Variants in RUNDC3B observed in about 807,000 individuals in gnomAD.
RUNDC3B encodes the protein RUN domain-containing protein 3B.
RUNDC3B carries 33 observed loss-of-function variants against 58.4 expected under a neutral mutation model. That is an observed-to-expected ratio of 0.56 (90% CI 0.43 to 0.75). The LOEUF is 0.75. Among genes scored for constraint, RUNDC3B ranks in the 30% least tolerant of loss-of-function variants. The pLI is 0.00. For synonymous variants in RUNDC3B, 193 were observed against 195.2 expected (o/e 0.99, Z 0.10); for missense variants, 501 against 535.7 (o/e 0.94, Z 0.64).
chr7:87,629,117 T>C (rs1820933722), intron 1 of RUNDC3B, 172 bp downstream of exon 1: 5 of 528,618 alleles, frequency 9.5e-6, no homozygotes, highest in African/African-American at 2.0e-5. Flanking sequence ...GGCCCGGGTC[T>C]GGACACCGTC....
chr7:87,819,278 G>A lies in RUNDC3B; in HGVS notation c.1225+3016G>A, dbSNP rs535801676. ...CTTAAGCACCCAGGGTACACCAAAG[G>A]TTAGTCTTAGAAGGCCATTACATAA... On this transcript the variant is annotated intron_variant, in intron 10 of 10. Transcript: ENST00000394654. 2.6e-5 allele frequency among the ~76,000 whole-genome samples: 4 copies of A among 152,202 alleles called. 1 individual carries two copies. In the South Asian group the frequency reaches 8.3e-4, roughly 32 times the overall value.
At chr7:87,716,116 C>G (rs1028520019) in intron 4 of RUNDC3B, among the ~76,000 whole-genome samples, 1 of 152,054 alleles carries the variant, frequency 6.6e-6, no homozygotes, top group Admixed American at 6.6e-5. Context: ...AAACCACGTT[C>G]AGAGTGATTA....
At chr7:87,768,292 G>A (rs1158602816) in intron 6 of RUNDC3B, among the ~76,000 whole-genome samples, 1 of 152,140 alleles carries the variant, frequency 6.6e-6, no homozygotes, top group Non-Finnish European at 1.5e-5. Flanking sequence ...TTGGTGGGCT[G>A]CACCTCTCCC....
chr7:87,804,643 C>T (rs1836345399), intron 8 of RUNDC3B, among the ~76,000 whole-genome samples: 1 of 152,084 alleles, frequency 6.6e-6, no homozygotes, highest in Admixed American at 6.6e-5. Context: ...TCTATAGAAT[C>T]ATTGTCTTAA....
intron 2 of RUNDC3B, among the ~76,000 whole-genome samples, chr7:87,668,203 G>A (rs762421497): frequency 4.6e-5 from 7 of 151,712 alleles, no homozygotes; most frequent in Non-Finnish European, 8.8e-5. Context: ...TTTCTTCCTG[G>A]CTCTGTCTTG....
chr7:87,751,214 GC>G (rs1249898205), intron 6 of RUNDC3B, among the ~76,000 whole-genome samples: 6 of 151,928 alleles, frequency 3.9e-5, no homozygotes, highest in Non-Finnish European at 7.4e-5. Flanking sequence ...ATTTCTGAGG[GC>G]TCTGTTCTGT....
intron 8 of RUNDC3B, among the ~76,000 whole-genome samples, chr7:87,794,109 A>C (rs1006847206): frequency 1.3e-5 from 2 of 152,168 alleles, no homozygotes; most frequent in Non-Finnish European, 2.9e-5. Flanking sequence ...ATACCTAGGA[A>C]TTACTCAAGG....
intron 3 of RUNDC3B, chr7:87,709,417 A>T: frequency 2.0e-6 from 2 of 985,348 alleles, no homozygotes; most frequent in Non-Finnish European, 2.4e-6. Flanking sequence ...CTCTGTTCCA[A>T]TCAGCTACAG....
In RUNDC3B at chr7:87,628,580, C is replaced by CGTGTGTGT. The variant is rs1430415147; in HGVS notation, c.-241_-240insTGTGTGTG. On this transcript the variant is annotated 5_prime_UTR_variant, in exon 1 of 11. Transcript: ENST00000394654. ...GCGCCGAGGGCGGAGGTGGTGCGTG[C>CGTGTGTGT]GTGCGTGTGTGTGTGTGTGTGTGTG... The CGTGTGTGT allele has an allele frequency of 4.1e-5, 12 of 292,842 alleles. No individual in the cohort carries two copies. The highest frequency in any genetic ancestry group is 1.6e-4 in the African/African-American group (5 of 31,620). The allele number at this position is 292,842 out of a possible 1,614,324, so 18.1% of individuals were successfully genotyped here.
At chr7:87,810,176 C>T (rs933329086) in intron 9 of RUNDC3B, among the ~76,000 whole-genome samples, 1 of 152,104 alleles carries the variant, frequency 6.6e-6, no homozygotes, top group Non-Finnish European at 1.5e-5. Context: ...AAAAGAAAAA[C>T]TTTAGACAAA....
intron 10 of RUNDC3B, among the ~76,000 whole-genome samples, chr7:87,818,278 A>C (rs1035220831): frequency 2.6e-5 from 4 of 152,316 alleles, no homozygotes; most frequent in African/African-American, 7.2e-5. Flanking sequence ...TCAATAATTC[A>C]AGGTTTAATA....
At chr7:87,808,924 A>G (rs1286997841) in intron 9 of RUNDC3B, among the ~76,000 whole-genome samples, 1 of 152,132 alleles carries the variant, frequency 6.6e-6, no homozygotes, top group Non-Finnish European at 1.5e-5. Context: ...ATAGTATAAC[A>G]TTAAATCCTG....
At chr7:87,708,013 C>T (rs536192177) in intron 3 of RUNDC3B, among the ~76,000 whole-genome samples, 1 of 151,928 alleles carries the variant, frequency 6.6e-6, no homozygotes, top group East Asian at 1.9e-4. Context: ...AAAACTTGTG[C>T]TTAGAGGAAT....
chr7:87,824,416 A>G (rs1256407714), intron 10 of RUNDC3B, among the ~76,000 whole-genome samples: 1 of 152,168 alleles, frequency 6.6e-6, no homozygotes, highest in Non-Finnish European at 1.5e-5. Flanking sequence ...ACCTTCCACC[A>G]TGATTGTGAG....
At chr7:87,716,617 G>A (rs570823214) in intron 4 of RUNDC3B, among the ~76,000 whole-genome samples, 1 of 152,234 alleles carries the variant, frequency 6.6e-6, no homozygotes, top group Admixed American at 6.5e-5. Context: ...CCATCAGATA[G>A]GAATAAGAAA....
chr7:87,816,470 C>A (rs1174808689), intron 10 of RUNDC3B, among the ~76,000 whole-genome samples: 1 of 151,896 alleles, frequency 6.6e-6, no homozygotes, highest in Non-Finnish European at 1.5e-5. Flanking sequence ...GTCTTTGTTA[C>A]CTTCATTTAC....
At chr7:87,675,653 C>CAAAAAAA (rs200136132) in intron 2 of RUNDC3B, among the ~76,000 whole-genome samples, 48 of 65,762 alleles carry the variant, frequency 7.3e-4, no homozygotes, top group African/African-American at 2.3e-3. Context: ...TATTCACATG[C>CAAAAAAA]AAAAAAAAAA....
chr7:87,750,331 A>G (rs1334324589), intron 6 of RUNDC3B, among the ~76,000 whole-genome samples: 2 of 151,802 alleles, frequency 1.3e-5, no homozygotes, highest in African/African-American at 2.4e-5. Flanking sequence ...TAATGCCGCA[A>G]TAAACATACG....
chr7:87,728,381 T>C (rs1831374420), intron 4 of RUNDC3B, among the ~76,000 whole-genome samples: 1 of 152,214 alleles, frequency 6.6e-6, no homozygotes, highest in Admixed American at 6.6e-5. Context: ...TTCCTATTGT[T>C]ACCTGTAACA....
Sources: allele counts gnomAD v4.1 joint callset (sites outside exome capture counted in the v4.1 genomes callset), GRCh38; gene constraint gnomAD v4.1.1; transcripts MANE v1.5; gene names NCBI Gene and HGNC (gene_info 2026-07-23, HGNC 2026-07-21).